Variants in IL7 observed in about 807,000 individuals in gnomAD.
The protein encoded by IL7 is interleukin-7.
Under a neutral mutation model 21.6 loss-of-function variants are expected in IL7, and 3 were observed. That is an observed-to-expected ratio of 0.14 (90% CI 0.06 to 0.36). The LOEUF (loss-of-function observed/expected upper bound fraction) is 0.36. Among genes scored for constraint, IL7 ranks in the 10% least tolerant of loss-of-function variants. IL7 has a pLI of 1.00. For synonymous variants in IL7, 62 were observed against 68.1 expected (o/e 0.91, Z 0.44); for missense variants, 175 against 200.2 (o/e 0.87, Z 0.76).
intron 4 of IL7, among the ~76,000 whole-genome samples, chr8:78,676,511 G>A (rs371269381): frequency 3.3e-5 from 5 of 152,018 alleles, no homozygotes; most frequent in Admixed American, 6.6e-5. Flanking sequence ...TGTACCTTAC[G>A]TATTTTAACT....
chr8:78,789,244 C>T (rs1413482817), intron 2 of IL7, among the ~76,000 whole-genome samples: 2 of 152,006 alleles, frequency 1.3e-5, no homozygotes, highest in South Asian at 2.1e-4. Flanking sequence ...AAACAAAAAG[C>T]CTTGCCTCTT....
chr8:78,722,265 C>A (rs1454955532), intron 3 of IL7, among the ~76,000 whole-genome samples: 1 of 151,830 alleles, frequency 6.6e-6, no homozygotes, highest in Admixed American at 6.6e-5. Flanking sequence ...CCACAAATGT[C>A]CTGTGATCTA....
rs189753622 is a variant in IL7 at position 78,678,290 on chromosome 8, A to G, written n.274-2186T>C. ...ACACTTCTGACATTAGTAATGTACA[A>G]ACTAGGAGAAGAGTATTAAATAACT... On this transcript the variant is annotated intron_variant and non_coding_transcript_variant, in intron 4 of 4. Transcript: ENST00000523959. Among the ~76,000 whole-genome samples, 230 of 152,276 alleles carry G rather than the reference A, an allele frequency of 1.5e-3. 1 individual carries two copies. The highest frequency in any genetic ancestry group is 4.8e-3 in the African/African-American group (200 of 41,562).
intron 2 of IL7, among the ~76,000 whole-genome samples, chr8:78,776,597 G>A (rs1201993319): frequency 2.0e-5 from 3 of 152,056 alleles, no homozygotes; most frequent in Admixed American, 1.3e-4. Flanking sequence ...TCTTAAGGAT[G>A]TGAGATAGGA....
chr8:78,721,957 G>C (rs577606894), intron 3 of IL7, among the ~76,000 whole-genome samples: 7 of 151,830 alleles, frequency 4.6e-5, no homozygotes, highest in African/African-American at 1.5e-4. Context: ...GAATCACAAG[G>C]TTGTTTTATT....
At chr8:78,711,305 A>G (rs1019838520) in intron 3 of IL7, among the ~76,000 whole-genome samples, 22 of 152,248 alleles carry the variant, frequency 1.4e-4, no homozygotes, top group African/African-American at 5.3e-4. Context: ...ACAGTGAAAT[A>G]TCCTACAAAC....
chr8:78,751,407 T>C (rs1470797769), intron 2 of IL7, among the ~76,000 whole-genome samples: 1 of 152,168 alleles, frequency 6.6e-6, no homozygotes, highest in Non-Finnish European at 1.5e-5. Flanking sequence ...AATTTAGCCT[T>C]CAAAAGTGAA....
chr8:78,697,826 G>GT (rs1327132175), intron 3 of IL7, among the ~76,000 whole-genome samples: 1 of 151,770 alleles, frequency 6.6e-6, no homozygotes, highest in Non-Finnish European at 1.5e-5. Context: ...CTATAGGCGG[G>GT]TGCCACCATG....
intron 2 of IL7, among the ~76,000 whole-genome samples, chr8:78,759,060 C>CT (rs950768520): frequency 6.7e-6 from 1 of 149,112 alleles, no homozygotes; most frequent in African/African-American, 2.5e-5. Context: ...CTTTTATTCC[C>CT]CCCCCCACCT....
chr8:78,719,691 CTATT>C (rs964469043), intron 5 of IL7: 4 of 151,624 alleles, frequency 2.6e-5, no homozygotes, highest in Admixed American at 1.3e-4. Context: ...TTCTTGTCCA[CTATT>C]TGTTTTTTGT....
intron 2 of IL7, among the ~76,000 whole-genome samples, chr8:78,742,301 G>A (rs1191035769): frequency 6.6e-6 from 1 of 152,000 alleles, no homozygotes; most frequent in African/African-American, 2.4e-5. Context: ...TCCAGCCTGG[G>A]CAACAGAGCA....
chr8:78,686,344 TCATTTAAGGA>T, intron 3 of IL7: 1 of 809,710 alleles, frequency 1.2e-6, no homozygotes, highest in African/African-American at 1.8e-5. Context: ...GAGAAGGATA[TCATTTAAGGA>T]CTCCTGATAA....
At chr8:78,756,364 T>A (rs539556769) in intron 2 of IL7, among the ~76,000 whole-genome samples, 11 of 151,978 alleles carry the variant, frequency 7.2e-5, no homozygotes, top group Admixed American at 2.0e-4. Flanking sequence ...TTTCGTTTTT[T>A]TCTTTAAGAA....
At chr8:78,754,440 A>G (rs908903107) in intron 2 of IL7, among the ~76,000 whole-genome samples, 1 of 152,180 alleles carries the variant, frequency 6.6e-6, no homozygotes, top group African/African-American at 2.4e-5. Flanking sequence ...AGAAGAATCA[A>G]TGTCGTGAAA....
chr8:78,794,974 T>C (rs1011753795), intron 2 of IL7, among the ~76,000 whole-genome samples: 2 of 152,102 alleles, frequency 1.3e-5, no homozygotes, highest in South Asian at 2.1e-4. Flanking sequence ...GTTTGCTGAT[T>C]GAATAAACTA....
At chr8:78,681,901 C>CTTTTTTTTTTTTTTTTTTTTTTT in intron 4 of IL7, among the ~76,000 whole-genome samples, 1 of 126,470 alleles carries the variant, frequency 7.9e-6, no homozygotes, top group Non-Finnish European at 1.7e-5. Context: ...CTTTTTCTTT[C>CTTTTTTTTTTTTTTTTTTTTTTT]TTTTTTTTTT....
At chr8:78,688,978 TC>T (rs1204527639) in intron 3 of IL7, among the ~76,000 whole-genome samples, 1 of 151,798 alleles carries the variant, frequency 6.6e-6, no homozygotes, top group Non-Finnish European at 1.5e-5. Context: ...TTGTTTTTTT[TC>T]CTTCACACAT....
intron 3 of IL7, among the ~76,000 whole-genome samples, chr8:78,711,494 T>A (rs2130603211): frequency 6.6e-6 from 1 of 152,196 alleles, no homozygotes; most frequent in South Asian, 2.1e-4. Flanking sequence ...ATAAAGTCAC[T>A]TTTTTGTTAG....
At chr8:78,747,171 A>G (rs1812006819) in intron 2 of IL7, 4 of 411,174 alleles carry the variant, frequency 9.7e-6, no homozygotes, top group South Asian at 7.1e-5. Flanking sequence ...TGGTCCCTAT[A>G]GAAATATACT....
Sources: allele counts gnomAD v4.1 joint callset (sites outside exome capture counted in the v4.1 genomes callset), GRCh38; gene constraint gnomAD v4.1.1; transcripts MANE v1.5; gene names NCBI Gene and HGNC (gene_info 2026-07-23, HGNC 2026-07-21).